The following RAB11FIP5 variants were observed in gnomAD, a reference collection of about 807,000 sequenced individuals.
The protein encoded by RAB11FIP5 is RAB11 family interacting protein 5.
A neutral mutation model predicts 85.1 loss-of-function variants in RAB11FIP5; 48 were observed. That is an observed-to-expected ratio of 0.56 (90% CI 0.45 to 0.72). The LOEUF (loss-of-function observed/expected upper bound fraction) is 0.72. Ranked by LOEUF, RAB11FIP5 falls within the 30% of genes least tolerant of loss-of-function variation. RAB11FIP5 has a pLI of 0.00. For missense variants in RAB11FIP5, 1,491 were observed against 1,687.0 expected, an observed-to-expected ratio of 0.88 and a Z score of 2.04; for synonymous variants, 729 against 727.3, an observed-to-expected ratio of 1.00 and a Z score of -0.04.
At position 73,074,755 on chromosome 2, in the gene RAB11FIP5, T is replaced by C. The variant is rs113267888; in HGVS notation, c.*766A>G. The C allele has an allele frequency of 5.4e-3, 998 of 184,602 alleles. 14 individuals carry two copies. Among genetic ancestry groups the C allele is most frequent in the African/African-American group, 0.02 (845 of 42,836 alleles). The allele number at this position is 184,602 out of a possible 1,614,324, so 11.4% of individuals were successfully genotyped here. A position where few individuals can be genotyped will look rare whatever the true frequency, so the allele number is the denominator to read the frequency against. ...GCCCCAGCCTGGAGGGACCTACACA[T>C]TGGAGGTGGTCAAGAGCTCGAAAAG... On this transcript the variant is annotated 3_prime_UTR_variant, in exon 6 of 6. Coordinates refer to ENST00000486777, the MANE Select transcript of RAB11FIP5 (RefSeq NM_001371272.1).
Position 73,074,234 on chromosome 2 carries a change from A to G in RAB11FIP5, c.*1287T>C, listed in dbSNP as rs1041120662. On this transcript the variant is annotated 3_prime_UTR_variant, in exon 6 of 6. Coordinates refer to ENST00000486777, the MANE Select transcript of RAB11FIP5 (RefSeq NM_001371272.1). ...GGACAACAAAGGCTTTTTCCTAAGT[A>G]TAGGTGTCTCCCAAAGGCATAGTGG... is the stretch of plus-strand genomic sequence containing the variant. 2 of 152,272 alleles carry G rather than the reference A, an allele frequency of 1.3e-5. No homozygotes were observed. The highest frequency in any genetic ancestry group is 4.8e-5 in the African/African-American group (2 of 41,466). The allele number at this position is 152,272 out of a possible 1,614,324, so 9.4% of individuals were successfully genotyped here.
At chr2:73,083,818 C>T (rs941408394) in intron 3 of RAB11FIP5, among the ~76,000 whole-genome samples, 7 of 152,204 alleles carry the variant, frequency 4.6e-5, no homozygotes, top group Admixed American at 2.6e-4. Flanking sequence ...ACCCTGTCTA[C>T]AGGACCCGGG....
intron 3 of RAB11FIP5, among the ~76,000 whole-genome samples, chr2:73,085,786 G>A (rs1684081112): frequency 6.6e-6 from 1 of 152,170 alleles, no homozygotes; most frequent in Admixed American, 6.5e-5. Context: ...CTCTCTGTGG[G>A]GCATCAGTGC....
chr2:73,091,128 G>A (rs908003578), intron 1 of RAB11FIP5, among the ~76,000 whole-genome samples: 8 of 152,300 alleles, frequency 5.3e-5, no homozygotes, highest in Non-Finnish European at 8.8e-5. Flanking sequence ...ATACAAGAAT[G>A]TTTTTCTGAA....
intron 1 of RAB11FIP5, among the ~76,000 whole-genome samples, chr2:73,092,253 T>C (rs190140769): frequency 4.7e-4 from 72 of 152,228 alleles, no homozygotes; most frequent in African/African-American, 1.5e-3. Context: ...GCCCAAGCCC[T>C]GAGTAACTAG....
chr2:73,078,481 G>A lies in RAB11FIP5; in HGVS notation c.3581+1170C>T, dbSNP rs1683903725. On this transcript the variant is annotated intron_variant, in intron 4 of 5. Coordinates refer to ENST00000486777, the MANE Select transcript of RAB11FIP5 (RefSeq NM_001371272.1). The surrounding 1 kb of genome is among the most constrained non-coding windows in gnomAD (Gnocchi z 4.4). ...CATCCTCTCCCTCACCTCAAGGGAGGAGAGTCACCACCACCACCAGGGAGG... is the reference window on the plus strand; with the variant it reads ...CATCCTCTCCCTCACCTCAAGGGAGAAGAGTCACCACCACCACCAGGGAGG... 6.6e-6 allele frequency among the ~76,000 whole-genome samples: 1 copy of A among 152,150 alleles called. No individual in the cohort carries two copies.
chr2:73,106,490 C>G lies in RAB11FIP5; in HGVS notation c.431+5857G>C, dbSNP rs139176264. 1.6e-4 allele frequency among the ~76,000 whole-genome samples: 24 copies of G among 152,338 alleles called. No individual in the cohort carries two copies. In the South Asian group the frequency reaches 1.9e-3, roughly 12 times the overall value. The stretch of plus-strand genomic sequence containing the variant: ...GTAGGGAGATATCCAGGCTTCCCCC[C>G]CTTTGGAATCTCTCCCCCACCAGTG... On this transcript the variant is annotated intron_variant, in intron 1 of 5. Coordinates refer to ENST00000486777, the MANE Select transcript of RAB11FIP5 (RefSeq NM_001371272.1).
intron 1 of RAB11FIP5, among the ~76,000 whole-genome samples, chr2:73,109,359 G>C (rs549241939): frequency 4.6e-5 from 7 of 152,246 alleles, no homozygotes; most frequent in Non-Finnish European, 7.4e-5. Flanking sequence ...TCACCACCAC[G>C]CTAATATTTT....
chr2:73,088,294 C>G lies in RAB11FIP5; in HGVS notation c.1324G>C (p.Ala442Pro). 1.2e-6 allele frequency: 2 copies of G among 1,613,894 alleles called. No homozygotes were observed. Among genetic ancestry groups the G allele is most frequent in the Non-Finnish European group, 8.5e-7 (1 of 1,179,994 alleles). ...TTCTCTGCCACAGCCTCAGAGGAGG[C>G]CACTATGGGTGTGGCAACCTGGACT... ...KPVQVATPIV[A>P]SSEAVAEKEG... Residue 442 changes from alanine to proline, a missense_variant, in exon 3 of 6, where the codon GCC becomes CCC. This residue lies in a region of RAB11FIP5 where 1,211 missense variants were observed against 1,338.0 expected (regional missense o/e 0.91). Coordinates refer to ENST00000486777, the MANE Select transcript of RAB11FIP5 (RefSeq NM_001371272.1).
At chr2:73,077,890 T>C (rs1017043088) in intron 4 of RAB11FIP5, among the ~76,000 whole-genome samples, 3 of 152,206 alleles carry the variant, frequency 2.0e-5, no homozygotes, top group Admixed American at 2.0e-4. Flanking sequence ...ATTTAGACCA[T>C]TCAGGAGTAG....
rs548924556 is a variant in RAB11FIP5 at position 73,080,399 on chromosome 2, C to T, written c.2833G>A (p.Gly945Ser). The part of the protein sequence containing the change: ...EDASPSALVV[G>S]PPETKEEGEK... ...CCCTCCTCCTTGGTCTCCGGGGGAC[C>T]GACAACCAGTGCACTTGGGGAGGCA... The change falls in exon 4 of 6, where the codon GGT becomes AGT. Residue 945 changes from glycine to serine, a missense_variant. By Grantham distance (56) the Gly-to-Ser change is moderately conservative. This residue lies in a region of RAB11FIP5 where 1,211 missense variants were observed against 1,338.0 expected (regional missense o/e 0.91). Transcript: ENST00000486777. 50 of 1,233,152 alleles carry T rather than the reference C, an allele frequency of 4.1e-5. No homozygotes were observed. The South Asian group carries it at 9.5e-4, about 23-fold the overall frequency. The allele number at this position is 1,233,152 out of a possible 1,614,324, so 76.4% of individuals were successfully genotyped here. A position where few individuals can be genotyped will look rare whatever the true frequency, so the allele number is the denominator to read the frequency against.
Position 73,080,380 on chromosome 2 carries a change from T to C in RAB11FIP5, c.2852A>G (p.Glu951Gly). The part of the protein sequence containing the change: ...ALVVGPPETK[E>G]EGEKRESEES... Reference sequence around the variant, plus strand: ...CTCCGACTCACGCTTCTCTCCCTCCTCCTTGGTCTCCGGGGGACCGACAAC... The same window carrying C: ...CTCCGACTCACGCTTCTCTCCCTCCCCCTTGGTCTCCGGGGGACCGACAAC... Residue 951 changes from glutamate to glycine, a missense_variant, in exon 4 of 6, where the codon GAG becomes GGG. Transcript: ENST00000486777. 1 of 1,233,042 alleles carries C rather than the reference T, an allele frequency of 8.1e-7. No homozygotes were observed. Among genetic ancestry groups the C allele is most frequent in the Non-Finnish European group, 1.0e-6 (1 of 988,422 alleles). 76.4% of individuals were successfully genotyped at this position (1,233,042 alleles called of 1,614,324 possible).
rs1358565513 is a variant in RAB11FIP5, at chr2:73,075,601, T to C, written c.3895A>G (p.Ser1299Gly). 6.2e-7 allele frequency: 1 copy of C among 1,614,048 alleles called. No homozygotes were observed. ...QRDEHVQELE[S>G]YIDRLLVRIM... is the part of the protein sequence containing the mutation. Reference sequence around the variant, plus strand: ...CGCACCAGCAGCCGGTCGATGTAGCTCTCCAGCTCCTGCACATGCTCGTCC... The same window carrying C: ...CGCACCAGCAGCCGGTCGATGTAGCCCTCCAGCTCCTGCACATGCTCGTCC... The change falls in exon 6 of 6, where the codon AGC becomes GGC. Residue 1299 changes from serine to glycine, a missense_variant. Physicochemically the swap from Ser to Gly is moderately conservative, Grantham distance 56. Transcript: ENST00000486777. The surrounding 1 kb of genome is among the most constrained non-coding windows in gnomAD (Gnocchi z 4.6).
intron 1 of RAB11FIP5, among the ~76,000 whole-genome samples, chr2:73,107,472 C>T (rs1023451402): frequency 2.0e-5 from 3 of 152,162 alleles, no homozygotes; most frequent in Admixed American, 6.5e-5. Context: ...AGCCAGCTGC[C>T]TACAAGGAGA....
At chr2:73,096,216 G>A (rs1294176524) in intron 1 of RAB11FIP5, among the ~76,000 whole-genome samples, 1 of 152,204 alleles carries the variant, frequency 6.6e-6, no homozygotes, top group Admixed American at 6.5e-5. Context: ...CAAGATTACA[G>A]CCCTAGTTAC....
Position 73,089,115 on chromosome 2 carries a change from A to C in RAB11FIP5, c.632T>G (p.Ile211Ser). The C allele has an allele frequency of 6.2e-7, 1 of 1,614,140 alleles. No homozygotes were observed. Among genetic ancestry groups the C allele is most frequent in the Middle Eastern group, 1.6e-4 (1 of 6,062 alleles). Residue 211 changes from isoleucine (I) to serine (S), a missense_variant, in exon 2 of 6, where the codon ATC becomes AGC. By Grantham distance (142) the Ile-to-Ser change is moderately radical. Coordinates refer to ENST00000486777, the MANE Select transcript of RAB11FIP5 (RefSeq NM_001371272.1). The surrounding 1 kb of genome is among the most constrained non-coding windows in gnomAD (Gnocchi z 4.6). ...ATCCTCTATGGCGCTGCTTGGGAGG[A>C]TGGCAGAGGCAGATTCCAGATCATA... The part of the protein sequence containing the change: ...KKYDLESASA[I>S]LPSSAIEDPD...
At chr2:73,100,142 G>A (rs770900034) in intron 1 of RAB11FIP5, among the ~76,000 whole-genome samples, 34 of 152,212 alleles carry the variant, frequency 2.2e-4, no homozygotes, top group Admixed American at 3.9e-4. Context: ...TAGTACAAAC[G>A]GGAGACTCTG....
In RAB11FIP5 at chr2:73,108,716, G is replaced by C. The variant is rs148381731; in HGVS notation, c.431+3631C>G. Among the ~76,000 whole-genome samples, 396 of 152,314 alleles carry C rather than the reference G, an allele frequency of 2.6e-3. 11 individuals carry two copies. The East Asian group carries it at 0.056, about 22-fold the overall frequency. ...TCCCATCCCTGTCTTGGGAGTTAGGGAGGCAAACACAGGACACCCACTGGG... is the reference window on the plus strand; with the variant it reads ...TCCCATCCCTGTCTTGGGAGTTAGGCAGGCAAACACAGGACACCCACTGGG... On this transcript the variant is annotated intron_variant, in intron 1 of 5. Coordinates refer to ENST00000486777, the MANE Select transcript of RAB11FIP5 (RefSeq NM_001371272.1).
rs2106104428 is a variant in RAB11FIP5 at position 73,081,485 on chromosome 2, CGGTGGT to C, written c.1741_1746del (p.Thr581_Thr582del). On this transcript the variant is annotated inframe_deletion, in exon 4 of 6. Coordinates refer to ENST00000486777, the MANE Select transcript of RAB11FIP5 (RefSeq NM_001371272.1). The surrounding 1 kb of genome is among the most constrained non-coding windows in gnomAD (Gnocchi z 4.2). Reference sequence around the variant, plus strand: ...CCAGGTGGGGTGGCTTCAGGGGCGGCGGTGGTGGCGGCAGCGGCAGCAGTGGCAGCA... The same window carrying C: ...CCAGGTGGGGTGGCTTCAGGGGCGGCGGCGGCAGCGGCAGCAGTGGCAGCA... 8.1e-7 allele frequency: 1 copy of C among 1,234,426 alleles called. No homozygotes were observed. The highest frequency in any genetic ancestry group is 1.6e-5 in the African/African-American group (1 of 64,494). The allele number at this position is 1,234,426 out of a possible 1,614,324, so 76.5% of individuals were successfully genotyped here.
Sources: allele counts gnomAD v4.1 joint callset (sites outside exome capture counted in the v4.1 genomes callset), GRCh38; gene constraint gnomAD v4.1.1; regional missense constraint gnomAD v4.1.1; non-coding constraint Gnocchi (gnomAD v3.1); transcripts MANE v1.5; gene names NCBI Gene and HGNC (gene_info 2026-07-23, HGNC 2026-07-21).